Variants in TENM1 observed in about 807,000 individuals in gnomAD.
The protein encoded by TENM1 is teneurin transmembrane protein 1.
A neutral mutation model predicts 174.8 loss-of-function variants in TENM1; 35 were observed. The ratio of observed to expected loss-of-function variants is 0.20; its 90% CI spans 0.15 to 0.27. The LOEUF is 0.27. Among genes scored for constraint, TENM1 ranks in the 10% least tolerant of loss-of-function variants. The probability of loss-of-function intolerance (pLI) is 1.00; values close to 1 mark genes in which losing one functional copy is unlikely to be tolerated. For missense variants in TENM1, 1,633 were observed against 2,130.1 expected (o/e 0.77, Z 4.59); for synonymous variants, 781 against 798.7 (o/e 0.98, Z 0.37).
intron 23 of TENM1, 150 bp downstream of exon 26, chrX:124,453,187 A>G (rs2061063717): frequency 1.8e-6 from 1 of 551,143 alleles, no homozygotes; most frequent in East Asian, 3.6e-5. Flanking sequence ...TAACGAGGAA[A>G]AAAGTAACTT....
At chrX:125,077,307 G>T in the TENM1 span, among the ~76,000 whole-genome samples, 2 of 110,982 alleles carry the variant, frequency 1.8e-5, no homozygotes, top group Non-Finnish European at 1.9e-5. Context: ...GTTAATAATA[G>T]ATCCTGTTGC....
intron 11 of TENM1, among the ~76,000 whole-genome samples, chrX:124,632,386 T>C (rs1318343088): frequency 1.8e-5 from 2 of 111,318 alleles, no homozygotes; most frequent in East Asian, 2.8e-4. Context: ...ATGAGACTAA[T>C]AGAAACATTT....
chrX:124,585,100 C>A (rs751831252), intron 11 of TENM1, among the ~76,000 whole-genome samples: 24 of 110,326 alleles, frequency 2.2e-4, no homozygotes, highest in African/African-American at 7.3e-4. Context: ...GACTTTAACA[C>A]CCCACTGTCA....
At chrX:124,396,866 G>A (rs745739573) in intron 27 of TENM1, among the ~76,000 whole-genome samples, 16 of 112,014 alleles carry the variant, frequency 1.4e-4, no homozygotes, top group African/African-American at 5.2e-4. Flanking sequence ...TGAAATTTGG[G>A]AATAGCTCCA....
chrX:124,473,750 C>T (rs898065422), intron 22 of TENM1, among the ~76,000 whole-genome samples: 2 of 111,138 alleles, frequency 1.8e-5, no homozygotes, highest in Non-Finnish European at 3.8e-5. Context: ...CCTCCAGGCC[C>T]CCATAAAGTG....
chrX:124,532,915 T>C (rs2048137294), intron 15 of TENM1, among the ~76,000 whole-genome samples: 1 of 112,383 alleles, frequency 8.9e-6, no homozygotes, highest in African/African-American at 3.2e-5. Context: ...TAGTACTTAC[T>C]GTAATCTTTG....
chrX:124,690,501 G>A (rs910428224), intron 5 of TENM1, among the ~76,000 whole-genome samples: 1 of 108,890 alleles, frequency 9.2e-6, no homozygotes, highest in African/African-American at 3.4e-5. Context: ...GTGTGTGTGT[G>A]TGTGTGTGTG....
chrX:125,180,020 G>A, the TENM1 span, among the ~76,000 whole-genome samples: 1 of 97,717 alleles, frequency 1.0e-5, no homozygotes, highest in Non-Finnish European at 2.0e-5. Context: ...CATGATTACT[G>A]ACGTCTTTCT....
intron 3 of TENM1, among the ~76,000 whole-genome samples, chrX:124,886,269 C>T (rs1603261862): frequency 9.1e-6 from 1 of 109,652 alleles, no homozygotes; most frequent in African/African-American, 3.3e-5. Flanking sequence ...TCAAGATCAA[C>T]TCCAAAGACT....
At chrX:124,484,408 G>A (rs148788779) in intron 21 of TENM1, among the ~76,000 whole-genome samples, 1,316 of 111,807 alleles carry the variant, frequency 0.012, 24 homozygotes, top group African/African-American at 0.04. Context: ...TTAAGGAGTA[G>A]AGAGTTATGC....
chrX:124,454,698 G>A (rs1403859148), intron 22 of TENM1, among the ~76,000 whole-genome samples: 1 of 111,772 alleles, frequency 8.9e-6, no homozygotes, highest in Non-Finnish European at 1.9e-5. Context: ...TATCGGGCCT[G>A]GCCCTAGGTC....
intron 15 of TENM1, among the ~76,000 whole-genome samples, chrX:124,540,791 T>A (rs968971055): frequency 2.7e-5 from 3 of 111,931 alleles, no homozygotes; most frequent in Non-Finnish European, 5.6e-5. Context: ...TCAGTTTGTT[T>A]TAGGGCACTT....
chrX:124,438,092 C>T (rs1603266676), intron 23 of TENM1, among the ~76,000 whole-genome samples: 1 of 111,590 alleles, frequency 9.0e-6, no homozygotes. Flanking sequence ...CATTGGGACT[C>T]AGCACAGGAT....
the TENM1 span, among the ~76,000 whole-genome samples, chrX:125,199,968 C>CAAA: frequency 1.8e-5 from 2 of 111,299 alleles, no homozygotes; most frequent in Non-Finnish European, 3.8e-5. Context: ...TAGCAAACTA[C>CAAA]AAAATCTCTA....
At chrX:124,779,608 G>A (rs1181966318) in intron 3 of TENM1, among the ~76,000 whole-genome samples, 2 of 111,406 alleles carry the variant, frequency 1.8e-5, no homozygotes, top group African/African-American at 6.5e-5. Flanking sequence ...ATACTTTGAG[G>A]TCACATATAG....
chrX:124,600,985 T>C (rs1349644329), intron 11 of TENM1, among the ~76,000 whole-genome samples: 2 of 111,997 alleles, frequency 1.8e-5, no homozygotes, highest in African/African-American at 6.5e-5. Flanking sequence ...TGTGGTTATG[T>C]AGAATAATGC....
chrX:124,932,658 G>A (rs1368583136), intron 1 of TENM1, among the ~76,000 whole-genome samples: 1 of 111,628 alleles, frequency 9.0e-6, no homozygotes, highest in Non-Finnish European at 1.9e-5. Context: ...ATTTGGAAAT[G>A]CTAGAAAGAA....
chrX:124,586,357 T>C (rs1230403443), intron 11 of TENM1, among the ~76,000 whole-genome samples: 4 of 107,205 alleles, frequency 3.7e-5, no homozygotes, highest in Non-Finnish European at 7.7e-5. Flanking sequence ...GTGGGCTTCA[T>C]CCCTGGGATG....
the TENM1 span, among the ~76,000 whole-genome samples, chrX:125,078,070 A>G: frequency 8.9e-6 from 1 of 111,911 alleles, no homozygotes; most frequent in African/African-American, 3.2e-5. Context: ...GAGGATGTGC[A>G]GTCTTGGGTT....
Sources: gnomAD v4.1 joint callset for allele counts (sites outside exome capture counted in the v4.1 genomes callset) on GRCh38, gnomAD v4.1.1 for gene constraint, MANE v1.5 for transcripts, NCBI Gene and HGNC (gene_info 2026-07-23, HGNC 2026-07-21) for gene names.